ZNF652: variants seen among roughly 807,000 people sequenced by gnomAD.
ZNF652 encodes zinc finger protein 652.
In ZNF652, 16 loss-of-function variants were observed where a neutral mutation model predicts 45.2. The ratio of observed to expected loss-of-function variants is 0.35; its 90% CI spans 0.24 to 0.54. ZNF652 has a LOEUF of 0.54. Among genes scored for constraint, ZNF652 ranks in the 20% least tolerant of loss-of-function variants. ZNF652 has a pLI of 0.91. For synonymous variants in ZNF652, 250 were observed against 260.6 expected (o/e 0.96, Z 0.39); for missense variants, 614 against 765.6 (o/e 0.80, Z 2.34).
intron 1 of ZNF652, among the ~76,000 whole-genome samples, chr17:49,327,767 ATATATATATATAT>A (rs1220751888): frequency 0.01 from 49 of 4,896 alleles, 4 homozygotes; most frequent in African/African-American, 0.051. Context: ...ATATATATAT[ATATATATATATAT>A]TTTTTTTTTT....
chr17:49,329,274 A>G (rs539948107), intron 1 of ZNF652, among the ~76,000 whole-genome samples: 1 of 152,336 alleles, frequency 6.6e-6, no homozygotes, highest in Admixed American at 6.5e-5. Context: ...AATGGGTAAA[A>G]CCTAAATAAA....
At chr17:49,300,198 T>C (rs1419899127) in intron 5 of ZNF652, among the ~76,000 whole-genome samples, 1 of 152,168 alleles carries the variant, frequency 6.6e-6, no homozygotes, top group African/African-American at 2.4e-5. Flanking sequence ...CTGCAGACAA[T>C]TCCTCATTAT....
chr17:49,361,535 G>A (rs2070393933), intron 1 of ZNF652, among the ~76,000 whole-genome samples: 1 of 152,212 alleles, frequency 6.6e-6, no homozygotes, highest in South Asian at 2.1e-4. Flanking sequence ...CCAGCTGCAG[G>A]GCAGGAGAAC....
At chr17:49,315,763 T>A (rs941885791) in intron 2 of ZNF652, among the ~76,000 whole-genome samples, 1 of 152,210 alleles carries the variant, frequency 6.6e-6, no homozygotes. Context: ...AGTCTTCTTT[T>A]ATTTACCCAG....
chr17:49,322,809 T>C (rs8066402), intron 1 of ZNF652, among the ~76,000 whole-genome samples: 118,785 of 152,114 alleles, frequency 0.78, 46,596 homozygotes, highest in African/African-American at 0.85. Flanking sequence ...GGCGTGAACC[T>C]GGGAGGCGGA....
At chr17:49,341,395 G>A (rs1246230697) in intron 1 of ZNF652, among the ~76,000 whole-genome samples, 2 of 144,668 alleles carry the variant, frequency 1.4e-5, no homozygotes, top group South Asian at 2.2e-4. Context: ...GCTCATGGCT[G>A]TAATCCCAGC....
chr17:49,346,615 T>C (rs1465476936), intron 1 of ZNF652, among the ~76,000 whole-genome samples: 1 of 152,246 alleles, frequency 6.6e-6, no homozygotes, highest in Non-Finnish European at 1.5e-5. Flanking sequence ...ATTAAGATTT[T>C]AATCTTTAGC....
intron 2 of ZNF652, among the ~76,000 whole-genome samples, chr17:49,313,929 G>A (rs1179819215): frequency 5.0e-5 from 6 of 119,256 alleles, no homozygotes; most frequent in Admixed American, 1.0e-4. Context: ...CCGAGATCGT[G>A]CCATTGCACT....
chr17:49,330,861 A>C (rs2070015449), intron 1 of ZNF652, among the ~76,000 whole-genome samples: 1 of 150,904 alleles, frequency 6.6e-6, no homozygotes, highest in Admixed American at 6.6e-5. Flanking sequence ...GACCAGCCTG[A>C]CCAACATGGA....
In ZNF652 at chr17:49,308,468, T is replaced by C. The variant is rs558212579; in HGVS notation, c.1309+2844A>G. ...CTGGGATTATAGGCATGAGCCACCA[T>C]GTCCAGGTGCATATGAATTACACTT... On this transcript the variant is annotated intron_variant, in intron 5 of 5. Coordinates refer to ENST00000430262, the MANE Select transcript of ZNF652 (RefSeq NM_001145365.3). Among the ~76,000 whole-genome samples, 5 of 152,184 alleles carry C rather than the reference T, an allele frequency of 3.3e-5. No homozygotes were observed. The South Asian group carries it at 8.3e-4, about 25-fold the overall frequency.
chr17:49,330,870 G>T (rs1323024072), intron 1 of ZNF652, among the ~76,000 whole-genome samples: 1 of 150,132 alleles, frequency 6.7e-6, no homozygotes, highest in East Asian at 2.0e-4. Context: ...GACCAACATG[G>T]AGAAACCCTG....
At chr17:49,339,821 G>A (rs1301070281) in intron 1 of ZNF652, among the ~76,000 whole-genome samples, 2 of 152,180 alleles carry the variant, frequency 1.3e-5, no homozygotes, top group African/African-American at 2.4e-5. Flanking sequence ...CGCGAAGGCC[G>A]ATGTAAAAGC....
At chr17:49,330,510 G>A (rs1372692001) in intron 1 of ZNF652, among the ~76,000 whole-genome samples, 1 of 151,678 alleles carries the variant, frequency 6.6e-6, no homozygotes, top group Non-Finnish European at 1.5e-5. Flanking sequence ...TGCATGCCTG[G>A]CTAGTTTTTT....
intron 1 of ZNF652, among the ~76,000 whole-genome samples, chr17:49,350,944 T>C (rs1415916661): frequency 2.1e-5 from 3 of 141,380 alleles, no homozygotes; most frequent in Admixed American, 7.6e-5. Flanking sequence ...CATTCCAGTC[T>C]GGGTGACAGA....
At chr17:49,340,985 G>A (rs1359356635) in intron 1 of ZNF652, among the ~76,000 whole-genome samples, 3 of 152,272 alleles carry the variant, frequency 2.0e-5, no homozygotes, top group South Asian at 2.1e-4. Context: ...AAAAGCTGAG[G>A]TGGGTGGATC....
At chr17:49,309,954 T>C (rs1598289273) in intron 5 of ZNF652, among the ~76,000 whole-genome samples, 1 of 151,990 alleles carries the variant, frequency 6.6e-6, no homozygotes, top group Non-Finnish European at 1.5e-5. Flanking sequence ...AGATAATCTC[T>C]GTTGTTCTTT....
intron 5 of ZNF652, among the ~76,000 whole-genome samples, chr17:49,309,648 C>T (rs2069682094): frequency 6.6e-6 from 1 of 152,144 alleles, no homozygotes; most frequent in African/African-American, 2.4e-5. Context: ...CAAAAGCCAC[C>T]AAATTATAAG....
intron 1 of ZNF652, among the ~76,000 whole-genome samples, chr17:49,361,703 G>A (rs1191193590): frequency 6.6e-6 from 1 of 151,962 alleles, no homozygotes; most frequent in East Asian, 1.9e-4. Flanking sequence ...GGCGCCCCCA[G>A]CCCAAGCTGG....
At chr17:49,361,194 G>C (rs2070388726) in intron 1 of ZNF652, 1 of 152,280 alleles carries the variant, frequency 6.6e-6, no homozygotes, top group East Asian at 1.9e-4. Flanking sequence ...TTCAGAGAAG[G>C]TCTCGAATCC....
Sources: allele counts gnomAD v4.1 joint callset (sites outside exome capture counted in the v4.1 genomes callset), GRCh38; gene constraint gnomAD v4.1.1; transcripts MANE v1.5; gene names NCBI Gene and HGNC (gene_info 2026-07-23, HGNC 2026-07-21).